The following NUP88 variants were observed in gnomAD, a reference collection of about 807,000 sequenced individuals.
The protein encoded by NUP88 is nuclear pore complex protein Nup88.
A neutral mutation model predicts 93.9 loss-of-function variants in NUP88; 57 were observed. The observed-to-expected ratio is 0.61, with a 90% CI of 0.49 to 0.76. NUP88 has a LOEUF of 0.76. Among genes scored for constraint, NUP88 ranks in the 30% least tolerant of loss-of-function variants. The probability of loss-of-function intolerance (pLI) is 0.00; values close to 1 mark genes in which losing one functional copy is unlikely to be tolerated. For missense variants in NUP88, 911 were observed against 901.0 expected, an observed-to-expected ratio of 1.01 and a Z score of -0.14; for synonymous variants, 346 against 336.8, an observed-to-expected ratio of 1.03 and a Z score of -0.30.
chr17:5,399,403 C>T (rs955290696), intron 8 of NUP88, 149 bp downstream of exon 8: 3 of 560,904 alleles, frequency 5.3e-6, no homozygotes, highest in Admixed American at 3.4e-5. Flanking sequence ...TAGCTAAAGG[C>T]TTGTGAAATG....
chr17:5,409,202 C>T (rs539650857), intron 4 of NUP88, among the ~76,000 whole-genome samples: 100 of 151,990 alleles, frequency 6.6e-4, no homozygotes, highest in Non-Finnish European at 5.7e-4. Flanking sequence ...GGTGAAACCC[C>T]GTTTCTACTA....
At chr17:5,413,500 TA>T (rs1267952222) in intron 3 of NUP88, among the ~76,000 whole-genome samples, 1 of 152,170 alleles carries the variant, frequency 6.6e-6, no homozygotes, top group Non-Finnish European at 1.5e-5. Flanking sequence ...AGTTAGCTGA[TA>T]ATAGAGTAGA....
chr17:5,418,661 C>A (rs1234200658), intron 1 of NUP88, among the ~76,000 whole-genome samples: 1 of 152,212 alleles, frequency 6.6e-6, no homozygotes, highest in Non-Finnish European at 1.5e-5. Context: ...TAAATCACTT[C>A]TCGGTAACAA....
Position 5,406,235 on chromosome 17 carries a change from A to T in NUP88, c.858-992T>A, listed in dbSNP as rs1355023061. 5.3e-5 allele frequency among the ~76,000 whole-genome samples: 8 copies of T among 152,374 alleles called. 1 individual carries two copies. The East Asian group carries it at 1.5e-3, about 29-fold the overall frequency. On this transcript the variant is annotated intron_variant, in intron 5 of 16. Transcript: ENST00000573584. ...AAAAAATAAATGAGAAAAATGAGAA[A>T]GAATGATTTCTGGGAAGGGGATTGT...
intron 2 of NUP88, among the ~76,000 whole-genome samples, chr17:5,414,802 C>CCA (rs78436200): frequency 0.43 from 65,180 of 150,042 alleles, 14,844 homozygotes; most frequent in East Asian, 0.84. Context: ...GCCTGTAACC[C>CCA]GTTACCCGTG....
At position 5,405,228 on chromosome 17, in the gene NUP88, T is replaced by C. The variant is rs1913427835; in HGVS notation, c.873A>G (p.Gly291=). 1 of 1,613,178 alleles carries C rather than the reference T, an allele frequency of 6.2e-7. No individual in the cohort carries two copies. Among genetic ancestry groups the C allele is most frequent in the Admixed American group, 1.7e-5 (1 of 59,836 alleles). ...GCATGGGCAATGGACCCAACAGCTT[T>C]CCAATATTTCCAGGGCTAAAGAAGG... ...ISLLHSPGNI[G]KLLGPLPMHP... is the part of the protein sequence containing the mutation. The change falls in exon 6 of 17, where the codon GGA becomes GGG. Residue 291 remains glycine, a synonymous_variant. Transcript: ENST00000573584.
rs1567577057 is a variant in NUP88, at chr17:5,413,134, TGC to T, written c.593+873_593+874del. 1.1e-4 allele frequency among the ~76,000 whole-genome samples: 16 copies of T among 152,226 alleles called. No homozygotes were observed. In the South Asian group the frequency reaches 1.2e-3, roughly 12 times the overall value. ...CTGGGACTACCGGCACATGCCATTA[TGC>T]CCAGCTAATTTTTTTTGCAGAGACA... On this transcript the variant is annotated intron_variant, in intron 3 of 16. Transcript: ENST00000573584.
intron 11 of NUP88, 25 bp from the exon 12 acceptor site, chr17:5,387,929 AT>A: frequency 6.2e-7 from 1 of 1,602,208 alleles, no homozygotes; most frequent in South Asian, 1.1e-5. Context: ...TTCTACCTTT[AT>A]TTTCCTTAGC....
intron 4 of NUP88, among the ~76,000 whole-genome samples, 196 bp downstream of exon 4, chr17:5,410,506 AG>A (rs1913771381): frequency 6.6e-6 from 1 of 152,076 alleles, no homozygotes; most frequent in Non-Finnish European, 1.5e-5. Flanking sequence ...TGAGACGAGC[AG>A]GATCACTTGA....
chr17:5,410,713 G>C lies in NUP88; in HGVS notation c.670C>G (p.Leu224Val), dbSNP rs1237419579. ...CAAATAAAAACTTACCCTTTATTGA[G>C]TACTAGACTTTCCTCTTCGGCTTCT... ...LSEAEEESLV[L>V]NKGRAYTASL... Residue 224 changes from leucine (L) to valine (V), a missense_variant, in exon 4 of 17, where the codon CTC becomes GTC. Leu to Val is a conservative substitution (Grantham distance 32). Transcript: ENST00000573584. 2 of 1,598,108 alleles carry C rather than the reference G, an allele frequency of 1.3e-6. No individual in the cohort carries two copies. Among genetic ancestry groups the C allele is most frequent in the Non-Finnish European group, 1.7e-6 (2 of 1,166,216 alleles).
chr17:5,389,425 A>G (rs1439090451), intron 10 of NUP88, among the ~76,000 whole-genome samples: 1 of 152,242 alleles, frequency 6.6e-6, no homozygotes, highest in Non-Finnish European at 1.5e-5. Context: ...AAAGAGCTTA[A>G]AAGATCTCAC....
At chr17:5,416,180 T>TATATATATATAC (rs1374990658) in intron 2 of NUP88, among the ~76,000 whole-genome samples, 4 of 107,312 alleles carry the variant, frequency 3.7e-5, no homozygotes, top group Admixed American at 9.7e-5. Flanking sequence ...TATATATATA[T>TATATATATATAC]ACACACATAC....
chr17:5,409,706 A>C (rs1913716735), intron 4 of NUP88, among the ~76,000 whole-genome samples: 1 of 152,248 alleles, frequency 6.6e-6, no homozygotes, highest in Non-Finnish European at 1.5e-5. Context: ...AAAGAGAAGA[A>C]ATAAAGATGG....
chr17:5,401,226 A>T (rs970360840), intron 7 of NUP88, among the ~76,000 whole-genome samples: 1 of 152,118 alleles, frequency 6.6e-6, no homozygotes, highest in Non-Finnish European at 1.5e-5. Context: ...TCTACTAAAA[A>T]TACAAAATTA....
intron 10 of NUP88, among the ~76,000 whole-genome samples, chr17:5,389,871 T>C (rs532080303): frequency 4.7e-4 from 70 of 149,030 alleles, no homozygotes; most frequent in Middle Eastern, 3.8e-3. Context: ...GATCTGAAAG[T>C]ATCCAGATAA....
intron 9 of NUP88, among the ~76,000 whole-genome samples, chr17:5,392,605 T>C (rs1336421957): frequency 2.0e-5 from 3 of 152,198 alleles, no homozygotes; most frequent in Non-Finnish European, 2.9e-5. Context: ...ATCAGGACAC[T>C]GCAGGGGGCC....
chr17:5,387,864 G>C lies in NUP88; in HGVS notation c.1684C>G (p.Leu562Val), dbSNP rs1051908862. 6.2e-7 allele frequency: 1 copy of C among 1,613,972 alleles called. No homozygotes were observed. Among genetic ancestry groups the C allele is most frequent in the Non-Finnish European group, 8.5e-7 (1 of 1,179,886 alleles). Residue 562 changes from leucine (L) to valine (V), a missense_variant, in exon 12 of 17, where the codon CTT becomes GTT. By Grantham distance (32) the Leu-to-Val change is conservative. Transcript: ENST00000573584. ...TGGGTGGCTCTGCTGAGGAGCTGAA[G>C]GCATTCTTCAGGAGGAGGGGCTATG... ...KDIAPPPEEC[L>V]QLLSRATQVF...
intron 8 of NUP88, among the ~76,000 whole-genome samples, chr17:5,399,238 A>C (rs1408893426): frequency 9.5e-6 from 1 of 105,140 alleles, no homozygotes; most frequent in Admixed American, 1.2e-4. Context: ...ACCCTGATTG[A>C]GTCAGTTTTG....
intron 8 of NUP88, among the ~76,000 whole-genome samples, chr17:5,397,514 A>C (rs1912851034): frequency 6.6e-6 from 1 of 152,148 alleles, no homozygotes; most frequent in Non-Finnish European, 1.5e-5. Context: ...CAAGCCAAGG[A>C]ATGTGGCAGG....
Sources: gnomAD v4.1 joint callset for allele counts (sites outside exome capture counted in the v4.1 genomes callset) on GRCh38, gnomAD v4.1.1 for gene constraint, MANE v1.5 for transcripts, NCBI Gene and HGNC (gene_info 2026-07-23, HGNC 2026-07-21) for gene names.